ARHGAP15: variants seen among roughly 807,000 people sequenced by gnomAD.
ARHGAP15 encodes the protein rho GTPase-activating protein 15.
Under a neutral mutation model 63.7 loss-of-function variants are expected in ARHGAP15, and 51 were observed. The ratio of observed to expected loss-of-function variants is 0.80; its 90% CI spans 0.64 to 1.01. The LOEUF (loss-of-function observed/expected upper bound fraction) is 1.01. ARHGAP15 is among the 50% of genes least tolerant of loss of function. ARHGAP15 has a pLI of 0.00. For synonymous variants in ARHGAP15, 191 were observed against 193.8 expected (o/e 0.99, Z 0.12); for missense variants, 560 against 564.6 (o/e 0.99, Z 0.08).
At chr2:143,418,682 A>C (rs1394083890) in intron 6 of ARHGAP15, among the ~76,000 whole-genome samples, 1 of 152,198 alleles carries the variant, frequency 6.6e-6, no homozygotes, top group Non-Finnish European at 1.5e-5. Context: ...CAATGGAAAA[A>C]TTAAAAATAA....
intron 8 of ARHGAP15, among the ~76,000 whole-genome samples, chr2:143,440,313 T>C (rs1689816968): frequency 6.6e-6 from 1 of 152,192 alleles, no homozygotes; most frequent in Admixed American, 6.6e-5. Flanking sequence ...ACACCCAAAC[T>C]TAGGTTTCTT....
At position 143,304,371 on chromosome 2, in the gene ARHGAP15, G is replaced by A. The variant is rs1227295452; in HGVS notation, c.474+53771G>A. ...TTGCAAGGACAAAAAACCAAACACC[G>A]CATATTCTCACACATAGGTGGGAAT... On this transcript the variant is annotated intron_variant, in intron 6 of 13. Transcript: ENST00000295095. Among the ~76,000 whole-genome samples the A allele has an allele frequency of 2.0e-4, 31 of 151,784 alleles. 1 individual carries two copies. The highest frequency in any genetic ancestry group is 1.8e-3 in the Admixed American group (28 of 15,202).
At chr2:143,423,654 T>C (rs995426232) in intron 6 of ARHGAP15, among the ~76,000 whole-genome samples, 1 of 152,144 alleles carries the variant, frequency 6.6e-6, no homozygotes, top group Non-Finnish European at 1.5e-5. Context: ...GTCTGAGTAG[T>C]TTCCTGAATG....
intron 6 of ARHGAP15, among the ~76,000 whole-genome samples, chr2:143,323,517 G>T (rs1047388586): frequency 5.3e-5 from 8 of 152,152 alleles, no homozygotes; most frequent in African/African-American, 1.9e-4. Context: ...CTGAAAGTGT[G>T]AGGAAATTTA....
chr2:143,157,978 G>GA (rs1160020585), intron 2 of ARHGAP15, among the ~76,000 whole-genome samples: 2 of 151,848 alleles, frequency 1.3e-5, no homozygotes, highest in South Asian at 2.1e-4. Context: ...AGTCTGTACA[G>GA]AAAAAAATCA....
chr2:143,606,575 A>G (rs2105206193), intron 11 of ARHGAP15, among the ~76,000 whole-genome samples: 1 of 152,344 alleles, frequency 6.6e-6, no homozygotes, highest in Admixed American at 6.5e-5. Context: ...AAACGTGAGC[A>G]ATGTATAACA....
chr2:143,330,139 C>A (rs201301682), intron 6 of ARHGAP15, among the ~76,000 whole-genome samples: 14,331 of 50,538 alleles, frequency 0.28, 1,262 homozygotes, highest in Middle Eastern at 0.39. Flanking sequence ...AAACCAAAAA[C>A]AAAAAACTAA....
intron 1 of ARHGAP15, among the ~76,000 whole-genome samples, chr2:143,154,525 A>G (rs1690004835): frequency 1.3e-5 from 2 of 151,934 alleles, no homozygotes; most frequent in Admixed American, 1.3e-4. Context: ...AGCCCGCTAT[A>G]GGATGTCTAT....
At chr2:143,139,418 G>C (rs1412120684) in intron 1 of ARHGAP15, among the ~76,000 whole-genome samples, 2 of 152,074 alleles carry the variant, frequency 1.3e-5, no homozygotes, top group Non-Finnish European at 2.9e-5. Context: ...GTCTTGTCTA[G>C]ATTATGGCAA....
At chr2:143,589,433 A>G (rs1697239231) in intron 11 of ARHGAP15, among the ~76,000 whole-genome samples, 2 of 152,220 alleles carry the variant, frequency 1.3e-5, no homozygotes, top group Non-Finnish European at 2.9e-5. Context: ...ATGTTATCTC[A>G]TTTAGTAATC....
chr2:143,732,366 T>C (rs1685573195), intron 13 of ARHGAP15, among the ~76,000 whole-genome samples: 1 of 152,232 alleles, frequency 6.6e-6, no homozygotes. Context: ...TCTTCACCTT[T>C]ATTGTCTTAG....
At chr2:143,504,282 C>T (rs139401587) in intron 9 of ARHGAP15, among the ~76,000 whole-genome samples, 20 of 152,190 alleles carry the variant, frequency 1.3e-4, no homozygotes, top group African/African-American at 4.3e-4. Flanking sequence ...ATTTTGAAAA[C>T]ATGTATTGAG....
At chr2:143,319,953 AG>A (rs1439452974) in intron 6 of ARHGAP15, among the ~76,000 whole-genome samples, 1 of 152,192 alleles carries the variant, frequency 6.6e-6, no homozygotes, top group African/African-American at 2.4e-5. Flanking sequence ...TAATAGACTA[AG>A]TCATGCTGTT....
intron 8 of ARHGAP15, among the ~76,000 whole-genome samples, chr2:143,442,107 T>C (rs1689909155): frequency 6.6e-6 from 1 of 152,184 alleles, no homozygotes; most frequent in Non-Finnish European, 1.5e-5. Context: ...CTGCAAAGTA[T>C]CATGACCATG....
chr2:143,266,748 T>C (rs759214984), intron 6 of ARHGAP15, among the ~76,000 whole-genome samples: 54 of 152,248 alleles, frequency 3.5e-4, no homozygotes, highest in Non-Finnish European at 3.2e-4. Context: ...TGCTCAGGAT[T>C]CACTCATGTT....
At chr2:143,567,777 C>G (rs1193885388) in intron 11 of ARHGAP15, among the ~76,000 whole-genome samples, 1 of 152,138 alleles carries the variant, frequency 6.6e-6, no homozygotes, top group Admixed American at 6.5e-5. Flanking sequence ...CCCTGTCGGC[C>G]CCATATCTCG....
At chr2:143,724,912 A>T (rs929045981) in intron 13 of ARHGAP15, among the ~76,000 whole-genome samples, 3 of 152,210 alleles carry the variant, frequency 2.0e-5, no homozygotes, top group African/African-American at 7.2e-5. Flanking sequence ...TCAATTCGCT[A>T]TTTCACAGAA....
chr2:143,388,122 G>A (rs1336731626), intron 6 of ARHGAP15, among the ~76,000 whole-genome samples: 1 of 152,130 alleles, frequency 6.6e-6, no homozygotes, highest in East Asian at 1.9e-4. Context: ...TGACAGTTAA[G>A]TGAGGTACTT....
chr2:143,757,469 C>T (rs534007412), intron 13 of ARHGAP15, among the ~76,000 whole-genome samples: 2 of 152,008 alleles, frequency 1.3e-5, no homozygotes, highest in Non-Finnish European at 2.9e-5. Flanking sequence ...CGAGACAATG[C>T]GACTACATTC....
Sources: gnomAD v4.1 joint callset for allele counts (sites outside exome capture counted in the v4.1 genomes callset) on GRCh38, gnomAD v4.1.1 for gene constraint, MANE v1.5 for transcripts, NCBI Gene and HGNC (gene_info 2026-07-23, HGNC 2026-07-21) for gene names.